Variants in TAFA1 observed in about 807,000 individuals in gnomAD.
TAFA1 encodes TAFA chemokine like family member 1.
TAFA1 carries 4 observed loss-of-function variants against 18.5 expected under a neutral mutation model. The observed-to-expected ratio is 0.22, with a 90% confidence interval of 0.11 to 0.49. TAFA1 has a LOEUF of 0.49. TAFA1 is among the 20% of genes least tolerant of loss of function. TAFA1 has a pLI of 0.98. For synonymous variants in TAFA1, 56 were observed against 55.2 expected (o/e 1.01, Z -0.06); for missense variants, 147 against 169.0 (o/e 0.87, Z 0.72).
chr3:68,080,300 T>G (rs1490516677), intron 2 of TAFA1, among the ~76,000 whole-genome samples: 5 of 152,200 alleles, frequency 3.3e-5, no homozygotes, highest in Non-Finnish European at 7.3e-5. Flanking sequence ...ATTGGAGCAT[T>G]TAGTCCATTT....
At chr3:68,148,899 C>T (rs1190939712) in intron 2 of TAFA1, among the ~76,000 whole-genome samples, 1 of 152,236 alleles carries the variant, frequency 6.6e-6, no homozygotes, top group East Asian at 1.9e-4. Flanking sequence ...TATAGAATAC[C>T]AAAATGAATT....
intron 2 of TAFA1, among the ~76,000 whole-genome samples, chr3:68,220,949 C>A (rs976064773): frequency 6.6e-6 from 1 of 152,126 alleles, no homozygotes; most frequent in Admixed American, 6.5e-5. Flanking sequence ...CCATCAAGAC[C>A]TGGCTGAACT....
chr3:68,201,136 C>T (rs1257393472), intron 2 of TAFA1, among the ~76,000 whole-genome samples: 1 of 151,192 alleles, frequency 6.6e-6, no homozygotes, highest in East Asian at 2.0e-4. Context: ...TTCTTTGATC[C>T]CTGTGTTATT....
At chr3:68,184,155 G>A (rs1052858983) in intron 2 of TAFA1, among the ~76,000 whole-genome samples, 3 of 152,122 alleles carry the variant, frequency 2.0e-5, no homozygotes, top group Admixed American at 1.3e-4. Flanking sequence ...CATACATGCT[G>A]TATTCTCCCT....
intron 2 of TAFA1, among the ~76,000 whole-genome samples, chr3:68,253,687 C>A (rs915569719): frequency 1.3e-5 from 2 of 152,148 alleles, no homozygotes; most frequent in African/African-American, 4.8e-5. Context: ...CTAGATAGTA[C>A]AATGATTATT....
At position 68,417,438 on chromosome 3, in the gene TAFA1, C is replaced by A; in HGVS notation, c.259+18C>A. ...CGTCGATGGTAGGTACCTGGTTTTACCTCTTGAAAAGCTCACATGGCATTC... is the reference window on the plus strand; with the variant it reads ...CGTCGATGGTAGGTACCTGGTTTTAACTCTTGAAAAGCTCACATGGCATTC... On this transcript the variant is annotated intron_variant, in intron 3 of 4. Transcript: ENST00000478136. 1 of 1,612,650 alleles carries A rather than the reference C, an allele frequency of 6.2e-7. No individual in the cohort carries two copies. Among genetic ancestry groups the A allele is most frequent in the Non-Finnish European group, 8.5e-7 (1 of 1,179,212 alleles).
At chr3:68,118,583 T>A (rs1019186065) in intron 2 of TAFA1, among the ~76,000 whole-genome samples, 1 of 152,158 alleles carries the variant, frequency 6.6e-6, no homozygotes, top group Admixed American at 6.5e-5. Flanking sequence ...TTTCTATACA[T>A]TCGACTACTG....
intron 2 of TAFA1, among the ~76,000 whole-genome samples, chr3:68,376,440 T>C (rs187279649): frequency 6.6e-6 from 1 of 152,068 alleles, no homozygotes; most frequent in Non-Finnish European, 1.5e-5. Context: ...CTGTGTGTGT[T>C]GTTCCCCTCA....
chr3:68,459,110 C>G (rs904742309), intron 3 of TAFA1, among the ~76,000 whole-genome samples: 2 of 152,048 alleles, frequency 1.3e-5, no homozygotes, highest in South Asian at 2.1e-4. Flanking sequence ...CACATTTGCC[C>G]GTCATTGAGT....
At chr3:68,305,754 C>A (rs930339944) in intron 2 of TAFA1, among the ~76,000 whole-genome samples, 1 of 151,862 alleles carries the variant, frequency 6.6e-6, no homozygotes, top group Non-Finnish European at 1.5e-5. Context: ...TATTGAGAGG[C>A]ATCAGTGAAG....
chr3:68,239,212 T>C (rs1176667649), intron 2 of TAFA1, among the ~76,000 whole-genome samples: 1 of 152,136 alleles, frequency 6.6e-6, no homozygotes, highest in Non-Finnish European at 1.5e-5. Flanking sequence ...CCCTTTTCAT[T>C]TGTCAAGAAT....
intron 2 of TAFA1, among the ~76,000 whole-genome samples, chr3:68,357,223 A>G (rs576194582): frequency 2.0e-5 from 3 of 152,102 alleles, no homozygotes; most frequent in Admixed American, 2.0e-4. Context: ...TTCTCAGAAA[A>G]CAGATTGACA....
At chr3:68,275,907 G>A (rs2107243761) in intron 2 of TAFA1, among the ~76,000 whole-genome samples, 1 of 152,158 alleles carries the variant, frequency 6.6e-6, no homozygotes, top group Middle Eastern at 3.4e-3. Flanking sequence ...CTAAGGATTA[G>A]GGGCTTTCTC....
chr3:68,518,389 A>G (rs1360659953), intron 3 of TAFA1, among the ~76,000 whole-genome samples: 1 of 152,192 alleles, frequency 6.6e-6, no homozygotes, highest in East Asian at 1.9e-4. Flanking sequence ...CCCTGACTAC[A>G]TTGATTGCAA....
At chr3:68,522,557 A>T (rs1255567780) in intron 3 of TAFA1, among the ~76,000 whole-genome samples, 1 of 152,234 alleles carries the variant, frequency 6.6e-6, no homozygotes, top group Non-Finnish European at 1.5e-5. Flanking sequence ...CATACATAAA[A>T]GGCACTTGAG....
At chr3:68,257,369 A>G (rs554886607) in intron 2 of TAFA1, among the ~76,000 whole-genome samples, 1 of 151,676 alleles carries the variant, frequency 6.6e-6, no homozygotes, top group South Asian at 2.1e-4. Context: ...CATGTTTTCT[A>G]TATGCTTGTT....
At chr3:68,274,425 A>G (rs2067749636) in intron 2 of TAFA1, among the ~76,000 whole-genome samples, 1 of 152,210 alleles carries the variant, frequency 6.6e-6, no homozygotes, top group South Asian at 2.1e-4. Flanking sequence ...ATGCCAATAC[A>G]TTCAAGAAAA....
intron 2 of TAFA1, among the ~76,000 whole-genome samples, chr3:68,067,044 T>G (rs573924905): frequency 6.6e-6 from 1 of 152,312 alleles, no homozygotes; most frequent in South Asian, 2.1e-4. Context: ...AACTTTCTCA[T>G]TGGATTTGAT....
At chr3:68,053,171 C>T (rs536045210) in intron 2 of TAFA1, among the ~76,000 whole-genome samples, 1 of 151,750 alleles carries the variant, frequency 6.6e-6, no homozygotes, top group South Asian at 2.1e-4. Flanking sequence ...AACACTAGCA[C>T]AGACAATTTT....
Sources: allele counts gnomAD v4.1 joint callset (sites outside exome capture counted in the v4.1 genomes callset), GRCh38; gene constraint gnomAD v4.1.1; transcripts MANE v1.5; gene names NCBI Gene and HGNC (gene_info 2026-07-23, HGNC 2026-07-21).